PGCKA1: variants seen among roughly 807,000 people sequenced by gnomAD.
PGCKA1 encodes PDCD10 and GCKIII kinases-associated protein 1.
the PGCKA1 span, among the ~76,000 whole-genome samples, chr4:37,571,914 G>A: frequency 2.0e-5 from 3 of 151,914 alleles, no homozygotes; most frequent in East Asian, 3.9e-4. Flanking sequence ...TTACTGACGT[G>A]AGCCGCCACA....
chr4:37,506,862 A>C, the PGCKA1 span, among the ~76,000 whole-genome samples: 1 of 152,140 alleles, frequency 6.6e-6, no homozygotes, highest in African/African-American at 2.4e-5. Context: ...GATCTGTCCA[A>C]TGCTGAAAGT....
At chr4:37,560,331 A>G in the PGCKA1 span, among the ~76,000 whole-genome samples, 2 of 152,164 alleles carry the variant, frequency 1.3e-5, no homozygotes, top group African/African-American at 2.4e-5. Context: ...TGCAGGCTCC[A>G]GGTCCATTGC....
chr4:37,461,375 G>A, the PGCKA1 span, among the ~76,000 whole-genome samples: 2 of 152,064 alleles, frequency 1.3e-5, no homozygotes, highest in African/African-American at 2.4e-5. Flanking sequence ...GTGGTTTGAT[G>A]GGAATAGCAT....
chr4:37,475,006 G>A, the PGCKA1 span, among the ~76,000 whole-genome samples: 4 of 152,138 alleles, frequency 2.6e-5, no homozygotes, highest in East Asian at 5.8e-4. Flanking sequence ...ACCAGGGCTT[G>A]ATCATTTCAA....
chr4:37,469,303 C>G, the PGCKA1 span, among the ~76,000 whole-genome samples: 1 of 152,196 alleles, frequency 6.6e-6, no homozygotes, highest in African/African-American at 2.4e-5. Flanking sequence ...ATTTAAAGCA[C>G]TAATTATTTT....
the PGCKA1 span, among the ~76,000 whole-genome samples, chr4:37,553,223 C>T: frequency 6.6e-6 from 1 of 150,618 alleles, no homozygotes; most frequent in Non-Finnish European, 1.5e-5. Flanking sequence ...TTTCCAGGCA[C>T]CAGCAGTATA....
the PGCKA1 span, among the ~76,000 whole-genome samples, chr4:37,478,142 A>ACCCCCCCCC: frequency 3.4e-5 from 2 of 59,558 alleles, no homozygotes; most frequent in African/African-American, 5.4e-5. Context: ...TTTTAAAAAC[A>ACCCCCCCCC]CCCCCCCCCA....
At chr4:37,478,181 G>A in the PGCKA1 span, among the ~76,000 whole-genome samples, 1 of 127,864 alleles carries the variant, frequency 7.8e-6, no homozygotes. Context: ...TGCCATTAGT[G>A]ATCTCCCCTA....
chr4:37,519,013 T>C, the PGCKA1 span, among the ~76,000 whole-genome samples: 1 of 152,220 alleles, frequency 6.6e-6, no homozygotes, highest in Non-Finnish European at 1.5e-5. Context: ...CAGGACCATT[T>C]ATTGAAGGGA....
the PGCKA1 span, among the ~76,000 whole-genome samples, chr4:37,480,385 T>G: frequency 6.6e-6 from 1 of 152,274 alleles, no homozygotes; most frequent in South Asian, 2.1e-4. Context: ...CCCAGTTACC[T>G]GGGAGACTGA....
At chr4:37,589,333 T>C in the PGCKA1 span, among the ~76,000 whole-genome samples, 6 of 152,258 alleles carry the variant, frequency 3.9e-5, no homozygotes, top group South Asian at 2.1e-4. Context: ...TTTTTAATCA[T>C]AGTTCTATTC....
the PGCKA1 span, chr4:37,460,485 C>A: frequency 1.6e-5 from 7 of 439,554 alleles, no homozygotes; most frequent in African/African-American, 1.2e-4. Flanking sequence ...TTCTCCACAG[C>A]CTTGCCAGCA....
the PGCKA1 span, chr4:37,590,448 C>T: frequency 6.2e-7 from 1 of 1,610,414 alleles, no homozygotes; most frequent in Non-Finnish European, 8.5e-7. Flanking sequence ...ATACTGTTCC[C>T]CCAACTCAAC....
At chr4:37,509,261 G>A in the PGCKA1 span, among the ~76,000 whole-genome samples, 5 of 76,370 alleles carry the variant, frequency 6.5e-5, no homozygotes, top group East Asian at 1.7e-3. Flanking sequence ...TGGCCAGGCA[G>A]AGGCGCCCCC....
chr4:37,471,397 A>G, the PGCKA1 span, among the ~76,000 whole-genome samples: 2 of 152,212 alleles, frequency 1.3e-5, no homozygotes, highest in Non-Finnish European at 2.9e-5. Flanking sequence ...ACAGGAATTC[A>G]AAGCACAGAG....
the PGCKA1 span, among the ~76,000 whole-genome samples, chr4:37,510,517 A>G: frequency 6.6e-6 from 1 of 152,044 alleles, no homozygotes; most frequent in Non-Finnish European, 1.5e-5. Flanking sequence ...CACATTTCCA[A>G]GCAGAGACTC....
At chr4:37,493,120 G>C in the PGCKA1 span, among the ~76,000 whole-genome samples, 1 of 152,054 alleles carries the variant, frequency 6.6e-6, no homozygotes, top group Non-Finnish European at 1.5e-5. Context: ...ATGTATGTAT[G>C]TATATACCTT....
chr4:37,533,606 T>C, the PGCKA1 span, among the ~76,000 whole-genome samples: 1 of 152,204 alleles, frequency 6.6e-6, no homozygotes, highest in Non-Finnish European at 1.5e-5. Context: ...TACCTGACCC[T>C]TATATATTTC....
At chr4:37,545,085 A>T in the PGCKA1 span, among the ~76,000 whole-genome samples, 1 of 151,714 alleles carries the variant, frequency 6.6e-6, no homozygotes, top group Non-Finnish European at 1.5e-5. Flanking sequence ...CGAACTCCTG[A>T]CCTCAAGTGA....
Sources: gnomAD v4.1 joint callset for allele counts (sites outside exome capture counted in the v4.1 genomes callset) on GRCh38, gnomAD v4.1.1 for gene constraint, MANE v1.5 for transcripts, NCBI Gene and HGNC (gene_info 2026-07-23, HGNC 2026-07-21) for gene names.